DNAH9: variants seen among roughly 807,000 people sequenced by gnomAD.
DNAH9 encodes the protein DNAH9 variant protein.
In DNAH9, 345 loss-of-function variants were observed where a neutral mutation model predicts 471.6. The ratio of observed to expected loss-of-function variants is 0.73; its 90% CI spans 0.67 to 0.80. The LOEUF (loss-of-function observed/expected upper bound fraction) is 0.80. Among genes scored for constraint, DNAH9 ranks in the 30% least tolerant of loss-of-function variants. The probability of loss-of-function intolerance (pLI) is 0.00; values close to 1 mark genes in which losing one functional copy is unlikely to be tolerated. For missense variants in DNAH9, 5,407 were observed against 5,609.2 expected (o/e 0.96, Z 1.15); for synonymous variants, 2,093 against 2,123.6 (o/e 0.99, Z 0.40).
chr17:11,784,340 A>G lies in DNAH9; in HGVS notation c.7862A>G (p.Asp2621Gly). ...TTTGTCCTCTCCTTCCCGGGGGCAG[A>G]TGCCCTGTCCTCTATCTACAGCATC... ...SVFVLSFPGA[D>G]ALSSIYSIIL... The change falls in exon 41 of 69, where the codon GAT (aspartate) becomes GGT (glycine). Residue 2621 changes from aspartate (D) to glycine (G), a missense_variant. Physicochemically the swap from Asp to Gly is moderately conservative, Grantham distance 94. Around this residue, in one of 3 missense-constraint regions of DNAH9, gnomAD observed 4,636 missense variants for 4,900.3 expected, o/e 0.95. Coordinates refer to ENST00000262442, the MANE Select transcript of DNAH9 (RefSeq NM_001372.4). 1.2e-6 allele frequency: 2 copies of G among 1,614,166 alleles called. No homozygotes were observed. Among genetic ancestry groups the G allele is most frequent in the Non-Finnish European group, 1.7e-6 (2 of 1,180,020 alleles).
At chr17:11,728,128 C>A in intron 28 of DNAH9, 2 of 556,108 alleles carry the variant, frequency 3.6e-6, no homozygotes, top group East Asian at 2.9e-5. Flanking sequence ...AAAGTAGAAC[C>A]ATTTACTGGC....
intron 68 of DNAH9, among the ~76,000 whole-genome samples, chr17:11,965,191 G>A (rs990057713): frequency 6.6e-6 from 1 of 152,224 alleles, no homozygotes; most frequent in Non-Finnish European, 1.5e-5. Flanking sequence ...ACATGCTCAA[G>A]AGAGTTGAGA....
chr17:11,781,605 G>A (rs573511676), intron 39 of DNAH9, among the ~76,000 whole-genome samples: 2 of 151,980 alleles, frequency 1.3e-5, no homozygotes, highest in African/African-American at 2.4e-5. Context: ...AGGCTAAGGC[G>A]GGTGGATCAC....
chr17:11,680,628 G>A, intron 18 of DNAH9, 95 bp from the exon 19 acceptor site: 1 of 1,027,276 alleles, frequency 9.7e-7, no homozygotes, highest in East Asian at 2.4e-5. Flanking sequence ...CCATCTTGTA[G>A]CACAGATGGA....
intron 14 of DNAH9, among the ~76,000 whole-genome samples, chr17:11,659,317 C>T (rs536100005): frequency 6.6e-6 from 1 of 152,152 alleles, no homozygotes; most frequent in Non-Finnish European, 1.5e-5. Context: ...GGCAGAAGAG[C>T]TGAGGCAGGG....
Position 11,937,330 on chromosome 17 carries a change from T to A in DNAH9, c.12490-22T>A. The A allele has an allele frequency of 6.3e-7, 1 of 1,587,950 alleles. No individual in the cohort carries two copies. Among genetic ancestry groups the A allele is most frequent in the East Asian group, 2.2e-5 (1 of 44,530 alleles). ...AGGTACGTCCTGGTTTCTTTTTAAG[T>A]GAGCTTGCCCTTGATTTTCAGTACA... is the stretch of plus-strand genomic sequence containing the variant. On this transcript the variant is annotated intron_variant, in intron 65 of 68. Transcript: ENST00000262442. The surrounding 1 kb of genome is among the most constrained non-coding windows in gnomAD (Gnocchi z 4.1).
At chr17:11,697,606 A>T (rs2074498965) in intron 22 of DNAH9, among the ~76,000 whole-genome samples, 1 of 152,198 alleles carries the variant, frequency 6.6e-6, no homozygotes, top group Non-Finnish European at 1.5e-5. Context: ...GTTTTTAAAT[A>T]ATACATCTAT....
At chr17:11,717,602 A>G (rs773902382) in intron 26 of DNAH9, among the ~76,000 whole-genome samples, 4 of 152,194 alleles carry the variant, frequency 2.6e-5, no homozygotes, top group Non-Finnish European at 4.4e-5. Flanking sequence ...TTAAAAAGTT[A>G]GAACAGTGGC....
At chr17:11,604,844 CT>C (rs1436254194) in intron 1 of DNAH9, among the ~76,000 whole-genome samples, 2 of 152,192 alleles carry the variant, frequency 1.3e-5, no homozygotes, top group African/African-American at 2.4e-5. Context: ...ATAGCACCAA[CT>C]TGGTAGGTGG....
chr17:11,864,091 C>T (rs1971956268), intron 50 of DNAH9, among the ~76,000 whole-genome samples: 1 of 150,782 alleles, frequency 6.6e-6, no homozygotes, highest in Non-Finnish European at 1.5e-5. Context: ...TCTTGCTTTT[C>T]TAGTTCTTTT....
At chr17:11,756,721 G>A (rs1967408855) in intron 34 of DNAH9, 45 bp downstream of exon 34, 9 of 1,251,754 alleles carry the variant, frequency 7.2e-6, no homozygotes, top group Non-Finnish European at 1.1e-5. Context: ...TCCACTTAGG[G>A]AGGTACCTCT....
chr17:11,937,783 A>AT lies in DNAH9; in HGVS notation c.12660+266dup, dbSNP rs962869065. Among the ~76,000 whole-genome samples, 21 of 152,130 alleles carry AT rather than the reference A, an allele frequency of 1.4e-4. No homozygotes were observed. The highest frequency in any genetic ancestry group is 2.6e-4 in the Non-Finnish European group (18 of 68,016). ...TTCTTTGCCAGTCCACCCAAAGTCC[A>AT]TTTTTATTCAGCTTCTCTGCCAAAG... On this transcript the variant is annotated intron_variant, in intron 66 of 68. Transcript: ENST00000262442. The surrounding 1 kb of genome is among the most constrained non-coding windows in gnomAD (Gnocchi z 4.1).
intron 1 of DNAH9, among the ~76,000 whole-genome samples, chr17:11,604,311 C>T (rs138410253): frequency 1.8e-4 from 27 of 152,184 alleles, no homozygotes; most frequent in East Asian, 5.8e-4. Flanking sequence ...TGTGAGCCGC[C>T]GCGCCCGTCC....
At chr17:11,786,043 A>C (rs1429192997) in intron 41 of DNAH9, among the ~76,000 whole-genome samples, 1 of 151,846 alleles carries the variant, frequency 6.6e-6, no homozygotes, top group Non-Finnish European at 1.5e-5. Flanking sequence ...ATATTACTGC[A>C]GCTCTATGAA....
At chr17:11,665,924 G>A (rs1388061943) in intron 15 of DNAH9, among the ~76,000 whole-genome samples, 2 of 152,196 alleles carry the variant, frequency 1.3e-5, no homozygotes, top group African/African-American at 4.8e-5. Flanking sequence ...AGAGAAGGAA[G>A]GCCCAGCACT....
intron 45 of DNAH9, among the ~76,000 whole-genome samples, chr17:11,813,900 T>C (rs1305765636): frequency 1.3e-5 from 2 of 152,168 alleles, no homozygotes; most frequent in Non-Finnish European, 1.5e-5. Flanking sequence ...AGGTTCCTGG[T>C]TTAATTAGCA....
chr17:11,598,528 C>T lies in DNAH9; in HGVS notation c.30C>T (p.Leu10=), dbSNP rs781715550. ...GGCTCGCGGAGGAGCGGGCCGCGCT[C>T]GCGGCGGAGAACGCGGATGGGGAAC... is the stretch of plus-strand genomic sequence containing the variant. MRLAEERAA[L]AAENADGEPG... Residue 10 remains leucine, a synonymous_variant, in exon 1 of 69, where the codon CTC becomes CTT. Transcript: ENST00000262442. 6 of 1,398,006 alleles carry T rather than the reference C, an allele frequency of 4.3e-6. No individual in the cohort carries two copies. In the Admixed American group the frequency reaches 2.0e-4, roughly 46 times the overall value. The allele number at this position is 1,398,006 out of a possible 1,614,324, so 86.6% of individuals were successfully genotyped here. A position where few individuals can be genotyped will look rare whatever the true frequency, so the allele number is the denominator to read the frequency against.
At position 11,739,030 on chromosome 17, in the gene DNAH9, C is replaced by G; in HGVS notation, c.5965C>G (p.Leu1989Val). The G allele has an allele frequency of 6.2e-7, 1 of 1,613,518 alleles. No individual in the cohort carries two copies. Among genetic ancestry groups the G allele is most frequent in the East Asian group, 2.2e-5 (1 of 44,874 alleles). The change falls in exon 29 of 69, where the codon CTC (leucine) becomes GTC (valine). Residue 1989 changes from leucine to valine, a missense_variant. Around this residue, in one of 3 missense-constraint regions of DNAH9, gnomAD observed 4,636 missense variants for 4,900.3 expected, o/e 0.95. Coordinates refer to ENST00000262442, the MANE Select transcript of DNAH9 (RefSeq NM_001372.4). ...AGAGCTGCCAGAGAATCTCAAGTCT[C>G]TCTTCAGGTGAGTGTCAGTTCTGCC... ...RTELPENLKS[L>V]FRPCAMVVPD...
In DNAH9 at chr17:11,905,824, C is replaced by T; in HGVS notation, c.11749+15C>T. On this transcript the variant is annotated intron_variant, in intron 61 of 68. Transcript: ENST00000262442. ...AGAAAGTCAAGGTGAGAAAGGCGTCCTCTTGGAGCCAGGGCTGCATTTGCC... is the reference window on the plus strand; with the variant it reads ...AGAAAGTCAAGGTGAGAAAGGCGTCTTCTTGGAGCCAGGGCTGCATTTGCC... 1 of 1,593,384 alleles carries T rather than the reference C, an allele frequency of 6.3e-7. No homozygotes were observed. Among genetic ancestry groups the T allele is most frequent in the Non-Finnish European group, 8.6e-7 (1 of 1,167,516 alleles).
Sources: allele counts gnomAD v4.1 joint callset (sites outside exome capture counted in the v4.1 genomes callset), GRCh38; gene constraint gnomAD v4.1.1; regional missense constraint gnomAD v4.1.1; non-coding constraint Gnocchi (gnomAD v3.1); transcripts MANE v1.5; gene names NCBI Gene and HGNC (gene_info 2026-07-23, HGNC 2026-07-21).